The following LIPI variants were observed in gnomAD, a reference collection of about 807,000 sequenced individuals.
LIPI encodes lipase I, also known as lipase member I.
In LIPI, 59 loss-of-function variants were observed where a neutral mutation model predicts 50.6. That is an observed-to-expected ratio of 1.16 (90% CI 0.94 to 1.45). The LOEUF is 1.45. Ranked by LOEUF, LIPI falls within the 40% of genes most tolerant of loss-of-function variation. LIPI has a pLI of 0.00. For synonymous variants in LIPI, 203 were observed against 178.2 expected, an observed-to-expected ratio of 1.14 and a Z score of -1.11; for missense variants, 586 against 536.3, an observed-to-expected ratio of 1.09 and a Z score of -0.92.
intron 9 of LIPI, among the ~76,000 whole-genome samples, chr21:14,121,387 G>A (rs1341823050): frequency 6.6e-6 from 1 of 152,112 alleles, no homozygotes; most frequent in Non-Finnish European, 1.5e-5. Flanking sequence ...CTCTGAGTCA[G>A]GTGTACCCCT....
chr21:14,128,921 G>T (rs1200876952), intron 9 of LIPI, among the ~76,000 whole-genome samples: 1 of 152,044 alleles, frequency 6.6e-6, no homozygotes, highest in African/African-American at 2.4e-5. Context: ...ATAGTTCTCA[G>T]AGTGAGAATG....
chr21:14,204,103 C>T (rs374785397), intron 1 of LIPI, among the ~76,000 whole-genome samples: 10 of 151,788 alleles, frequency 6.6e-5, no homozygotes, highest in East Asian at 3.9e-4. Context: ...TTATGGGGAG[C>T]GAGAGCATCA....
At position 14,210,828 on chromosome 21, in the gene LIPI, A is replaced by G; in HGVS notation, c.18T>C (p.Phe6=). The change falls in exon 1 of 10, where the codon TTT becomes TTC. Residue 6 remains phenylalanine (F), a synonymous_variant. Coordinates refer to ENST00000681601, the MANE Select transcript of LIPI (RefSeq NM_001302998.2). MRVYI[F]LCLMCWVRSD... is the part of the protein sequence containing the mutation. The stretch of plus-strand genomic sequence containing the variant: ...ATCTCACCCAGCACATCAAACAAAG[A>G]AAAATGTATACTCTCATTTGGAATC... 1 of 1,233,332 alleles carries G rather than the reference A, an allele frequency of 8.1e-7. No homozygotes were observed. The highest frequency in any genetic ancestry group is 1.0e-6 in the Non-Finnish European group (1 of 957,278). 76.4% of individuals were successfully genotyped at this position (1,233,332 alleles called of 1,614,324 possible). A position where few individuals can be genotyped will look rare whatever the true frequency, so the allele number is the denominator to read the frequency against.
chr21:14,125,844 C>T lies in LIPI; in HGVS notation c.1296-16764G>A, dbSNP rs775906642. ...TGCTGGGTTAACAGATGTGAGCCAC[C>T]GCGCCAGGCCAAGATGATAGTTTTA... On this transcript the variant is annotated intron_variant, in intron 9 of 9. Transcript: ENST00000681601. Among the ~76,000 whole-genome samples the T allele has an allele frequency of 1.1e-4, 16 of 152,012 alleles. 1 individual carries two copies. The highest frequency in any genetic ancestry group is 4.2e-4 in the South Asian group (2 of 4,812).
chr21:14,206,232 T>C lies in LIPI; in HGVS notation c.46+4568A>G, dbSNP rs537310908. ...CGTGAGCAGCTGAGACTCAAGTACC[T>C]CTAGCCTCTCTCAAACATCTCTTGT... On this transcript the variant is annotated intron_variant, in intron 1 of 9. Coordinates refer to ENST00000681601, the MANE Select transcript of LIPI (RefSeq NM_001302998.2). Among the ~76,000 whole-genome samples the C allele has an allele frequency of 5.9e-5, 9 of 152,210 alleles. No individual in the cohort carries two copies. The South Asian group carries it at 1.9e-3, about 32-fold the overall frequency.
intron 7 of LIPI, among the ~76,000 whole-genome samples, chr21:14,160,616 C>T (rs1021820814): frequency 6.6e-5 from 10 of 151,258 alleles, no homozygotes; most frequent in Non-Finnish European, 1.3e-4. Context: ...ACACCTAAAG[C>T]GTGATACATA....
chr21:14,156,997 T>G (rs771083999), intron 7 of LIPI, among the ~76,000 whole-genome samples: 3 of 151,898 alleles, frequency 2.0e-5, no homozygotes, highest in Non-Finnish European at 4.4e-5. Context: ...CACTACATCG[T>G]GGCAGGTAGC....
chr21:14,176,721 C>CT (rs71183410), intron 4 of LIPI, among the ~76,000 whole-genome samples: 4,192 of 133,348 alleles, frequency 0.031, 184 homozygotes, highest in African/African-American at 0.11. Flanking sequence ...GCTTTCAATT[C>CT]TTTTTTTTTT....
intron 1 of LIPI, among the ~76,000 whole-genome samples, chr21:14,195,236 A>T (rs1295536730): frequency 6.6e-6 from 1 of 152,136 alleles, no homozygotes; most frequent in Non-Finnish European, 1.5e-5. Context: ...TTATATCTGG[A>T]TGTTGCTGGA....
At chr21:14,192,228 G>A (rs1471583860) in intron 1 of LIPI, among the ~76,000 whole-genome samples, 1 of 152,182 alleles carries the variant, frequency 6.6e-6, no homozygotes. Context: ...ACTTTGGGAG[G>A]CCGAGCTGGG....
chr21:14,117,331 AC>A (rs35211994), intron 9 of LIPI, among the ~76,000 whole-genome samples: 152,340 of 152,340 alleles, frequency 1, 76,170 homozygotes, highest in Non-Finnish European at 1. Flanking sequence ...ACCTGGGCTG[AC>A]CTGCAAGCAG....
chr21:14,119,224 TTCAC>T (rs2016771871), intron 9 of LIPI, among the ~76,000 whole-genome samples: 1 of 152,178 alleles, frequency 6.6e-6, no homozygotes, highest in Non-Finnish European at 1.5e-5. Context: ...CTTAAAGGCT[TTCAC>T]TCCACCTAGC....
intron 1 of LIPI, among the ~76,000 whole-genome samples, chr21:14,203,946 T>G (rs1037917779): frequency 2.0e-5 from 3 of 151,992 alleles, no homozygotes; most frequent in Non-Finnish European, 2.9e-5. Context: ...GGGACACGAA[T>G]GGAGCTAAAG....
At chr21:14,160,093 C>A (rs914868325) in intron 7 of LIPI, among the ~76,000 whole-genome samples, 1 of 151,252 alleles carries the variant, frequency 6.6e-6, no homozygotes, top group Non-Finnish European at 1.5e-5. Context: ...TCTGTTGAAA[C>A]CTCAGACAAA....
chr21:14,189,542 T>A (rs2019592016), intron 1 of LIPI, 123 bp from the exon 2 acceptor site: 1 of 833,748 alleles, frequency 1.2e-6, no homozygotes, highest in Non-Finnish European at 1.9e-6. Flanking sequence ...CCCTTCAACA[T>A]AATTTACTGA....
At chr21:14,116,395 C>G (rs1468219800) in intron 9 of LIPI, among the ~76,000 whole-genome samples, 1 of 152,026 alleles carries the variant, frequency 6.6e-6, no homozygotes, top group Non-Finnish European at 1.5e-5. Flanking sequence ...AAGCAGCACC[C>G]AAACCTCCTG....
chr21:14,112,853 C>G (rs1374776079), intron 9 of LIPI, among the ~76,000 whole-genome samples: 5 of 152,016 alleles, frequency 3.3e-5, no homozygotes, highest in African/African-American at 1.2e-4. Flanking sequence ...TTGTTTCCTG[C>G]AATGTAACTT....
intron 4 of LIPI, among the ~76,000 whole-genome samples, chr21:14,169,935 T>C (rs1359790821): frequency 6.6e-6 from 1 of 152,038 alleles, no homozygotes; most frequent in Admixed American, 6.5e-5. Flanking sequence ...GCTGGTTTTT[T>C]GAAAGGATCA....
chr21:14,127,901 A>C (rs1392737189), intron 9 of LIPI, among the ~76,000 whole-genome samples: 1 of 152,126 alleles, frequency 6.6e-6, no homozygotes, highest in Non-Finnish European at 1.5e-5. Flanking sequence ...GATATTAACT[A>C]TTTATGATAA....
Sources: allele counts gnomAD v4.1 joint callset (sites outside exome capture counted in the v4.1 genomes callset), GRCh38; gene constraint gnomAD v4.1.1; transcripts MANE v1.5; gene names NCBI Gene and HGNC (gene_info 2026-07-23, HGNC 2026-07-21).